ARF1: variants seen among roughly 807,000 people sequenced by gnomAD.
ARF1 encodes ADP-ribosylation factor 1.
ARF1 carries 1 observed loss-of-function variant against 18.0 expected under a neutral mutation model. The observed-to-expected ratio is 0.06, with a 90% CI of 0.02 to 0.26. The LOEUF (loss-of-function observed/expected upper bound fraction) is 0.26. ARF1 is among the 10% of genes least tolerant of loss of function. The probability of loss-of-function intolerance (pLI) is 1.00; values close to 1 mark genes in which losing one functional copy is unlikely to be tolerated. For missense variants in ARF1, 73 were observed against 247.2 expected (o/e 0.30, Z 4.73); for synonymous variants, 112 against 96.3 (o/e 1.16, Z -0.95).
intron 1 of ARF1, among the ~76,000 whole-genome samples, chr1:228,083,962 C>T (rs909877534): frequency 6.6e-6 from 1 of 152,246 alleles, no homozygotes; most frequent in East Asian, 1.9e-4. Flanking sequence ...GTTGGTGCCA[C>T]TGCCCCTGTT....
Position 228,097,839 on chromosome 1 carries a change from T to C in ARF1, c.385-13T>C. On this transcript the variant is annotated splice_polypyrimidine_tract_variant and intron_variant, in intron 4 of 4. Transcript: ENST00000272102. This position sits in a 1 kb window ranked among gnomAD's most constrained non-coding sequence, Gnocchi z 8.1. The stretch of plus-strand genomic sequence containing the variant: ...TGTGGACAGCCCTTCCCACCAACCC[T>C]TCCTTCCCCCAGGACCTCCCCAACG... 6.2e-7 allele frequency: 1 copy of C among 1,611,282 alleles called. No homozygotes were observed. The highest frequency in any genetic ancestry group is 8.5e-7 in the Non-Finnish European group (1 of 1,178,318).
At chr1:228,092,189 A>G (rs1388557380) in intron 1 of ARF1, among the ~76,000 whole-genome samples, 1 of 152,220 alleles carries the variant, frequency 6.6e-6, no homozygotes, top group Non-Finnish European at 1.5e-5. Flanking sequence ...TGGCTCACAC[A>G]CATAGTCCCA....
rs930323058 is a variant in ARF1 at position 228,089,599 on chromosome 1, C to G, written c.-38+6834C>G. ...AGAAATCAAGTTTTAGGCATTGGCT[C>G]AATCACTGGTGCAGCCATTGCATTA... is the stretch of plus-strand genomic sequence containing the variant. On this transcript the variant is annotated intron_variant, in intron 1 of 4. Transcript: ENST00000272102. This position sits in a 1 kb window ranked among gnomAD's most constrained non-coding sequence, Gnocchi z 4.1. Among the ~76,000 whole-genome samples, 2 of 152,222 alleles carry G rather than the reference C, an allele frequency of 1.3e-5. No homozygotes were observed. Among genetic ancestry groups the G allele is most frequent in the Non-Finnish European group, 2.9e-5 (2 of 68,040 alleles).
chr1:228,093,869 T>C (rs191312262), intron 1 of ARF1, among the ~76,000 whole-genome samples: 1 of 147,070 alleles, frequency 6.8e-6, no homozygotes, highest in Non-Finnish European at 1.5e-5. Context: ...GAGGTTGCAG[T>C]GAGCCGAGAT....
At position 228,097,021 on chromosome 1, in the gene ARF1, C is replaced by T. The variant is rs376518139; in HGVS notation, c.-37-57C>T. 1.4e-6 allele frequency: 2 copies of T among 1,471,960 alleles called. No homozygotes were observed. Among genetic ancestry groups the T allele is most frequent in the Non-Finnish European group, 9.1e-7 (1 of 1,097,430 alleles). 91.2% of individuals were successfully genotyped at this position (1,471,960 alleles called of 1,614,324 possible). The stretch of plus-strand genomic sequence containing the variant: ...TGGTGCATCCCTGGGTGGGTGGGTT[C>T]TGAGCAACCACTGCTGGGCAGCACA... On this transcript the variant is annotated intron_variant, in intron 1 of 4. Transcript: ENST00000272102. The surrounding 1 kb of genome is among the most constrained non-coding windows in gnomAD (Gnocchi z 8.1).
chr1:228,090,146 GCA>G (rs1439654652), intron 1 of ARF1, among the ~76,000 whole-genome samples: 1 of 152,230 alleles, frequency 6.6e-6, no homozygotes, highest in Non-Finnish European at 1.5e-5. Flanking sequence ...CTGTGCCATC[GCA>G]CAGTCATTCG....
Position 228,097,493 on chromosome 1 carries a change from TAG to T in ARF1, c.259+46_259+47del. 1.2e-6 allele frequency: 2 copies of T among 1,613,080 alleles called. No homozygotes were observed. Among genetic ancestry groups the T allele is most frequent in the Non-Finnish European group, 1.7e-6 (2 of 1,179,596 alleles). On this transcript the variant is annotated intron_variant, in intron 3 of 4. Transcript: ENST00000272102. The surrounding 1 kb of genome is among the most constrained non-coding windows in gnomAD (Gnocchi z 8.1). ...CTGGTCCCATGGGCACTCCTGCTTCTAGAGAGGGGGGGCCAGCCCATAGATGG... is the reference window on the plus strand; with the variant it reads ...CTGGTCCCATGGGCACTCCTGCTTCTAGAGGGGGGGCCAGCCCATAGATGG...
rs1253336544 is a variant in ARF1 at position 228,089,701 on chromosome 1, C to G, written c.-38+6936C>G. Among the ~76,000 whole-genome samples the G allele has an allele frequency of 6.6e-6, 1 of 152,032 alleles. No homozygotes were observed. Among genetic ancestry groups the G allele is most frequent in the African/African-American group, 2.4e-5 (1 of 41,406 alleles). On this transcript the variant is annotated intron_variant, in intron 1 of 4. Coordinates refer to ENST00000272102, the MANE Select transcript of ARF1 (RefSeq NM_001658.4). The surrounding 1 kb of genome is among the most constrained non-coding windows in gnomAD (Gnocchi z 4.1). Reference sequence around the variant, plus strand: ...TGGTTGGAGGAAGGAGCAACTTGCTCTCCCAGTTTATGACAGCAACACCAG... The same window carrying G: ...TGGTTGGAGGAAGGAGCAACTTGCTGTCCCAGTTTATGACAGCAACACCAG...
chr1:228,097,679 C>G lies in ARF1; in HGVS notation c.348C>G (p.Leu116=). Residue 116 remains leucine, a synonymous_variant, in exon 4 of 5, where the codon CTC becomes CTG. Coordinates refer to ENST00000272102, the MANE Select transcript of ARF1 (RefSeq NM_001658.4). This position sits in a 1 kb window ranked among gnomAD's most constrained non-coding sequence, Gnocchi z 8.1. ...ELMRMLAEDE[L]RDAVLLVFAN... ...TGAGGATGCTGGCCGAGGACGAGCT[C>G]CGGGATGCTGTCCTCCTGGTGTTCG... 6.2e-7 allele frequency: 1 copy of G among 1,613,652 alleles called. No homozygotes were observed. The highest frequency in any genetic ancestry group is 8.5e-7 in the Non-Finnish European group (1 of 1,179,718).
At chr1:228,090,614 G>A (rs1159025770) in intron 1 of ARF1, 1 of 152,210 alleles carries the variant, frequency 6.6e-6, no homozygotes, top group Non-Finnish European at 1.5e-5. Context: ...CCACTGCACT[G>A]GGGGCCAGGT....
In ARF1 at chr1:228,099,141, G is replaced by A. The variant is rs1157613408; in HGVS notation, c.*1128G>A. 1 of 152,658 alleles carries A rather than the reference G, an allele frequency of 6.6e-6. No individual in the cohort carries two copies. Among genetic ancestry groups the A allele is most frequent in the African/African-American group, 2.4e-5 (1 of 41,468 alleles). The allele number at this position is 152,658 out of a possible 1,614,324, so 9.5% of individuals were successfully genotyped here. A position where few individuals can be genotyped will look rare whatever the true frequency, so the allele number is the denominator to read the frequency against. On this transcript the variant is annotated 3_prime_UTR_variant, in exon 5 of 5. Coordinates refer to ENST00000272102, the MANE Select transcript of ARF1 (RefSeq NM_001658.4). ...TAGTAATCAACTGTTTTGTATACTT[G>A]TTTTCAGTTTTCATTTCGACAAACA...
At chr1:228,095,432 C>T (rs2032709864) in intron 1 of ARF1, among the ~76,000 whole-genome samples, 1 of 152,228 alleles carries the variant, frequency 6.6e-6, no homozygotes, top group African/African-American at 2.4e-5. Context: ...CTCCCCTAGA[C>T]CAAGCTTGTC....
chr1:228,095,040 T>C (rs959754261), intron 1 of ARF1, among the ~76,000 whole-genome samples: 2 of 152,244 alleles, frequency 1.3e-5, no homozygotes, highest in Non-Finnish European at 2.9e-5. Flanking sequence ...TTGGTTGATA[T>C]CTTAAGTTAC....
chr1:228,094,528 T>G (rs1420269534), intron 1 of ARF1, among the ~76,000 whole-genome samples: 1 of 152,076 alleles, frequency 6.6e-6, no homozygotes, highest in Non-Finnish European at 1.5e-5. Flanking sequence ...AACCCCATAA[T>G]AAGAATACGT....
rs935555835 is a variant in ARF1, at chr1:228,089,872, T to G, written c.-38+7107T>G. Among the ~76,000 whole-genome samples, 1 of 152,166 alleles carries G rather than the reference T, an allele frequency of 6.6e-6. No individual in the cohort carries two copies. The highest frequency in any genetic ancestry group is 1.5e-5 in the Non-Finnish European group (1 of 68,030). On this transcript the variant is annotated intron_variant, in intron 1 of 4. Coordinates refer to ENST00000272102, the MANE Select transcript of ARF1 (RefSeq NM_001658.4). This position sits in a 1 kb window ranked among gnomAD's most constrained non-coding sequence, Gnocchi z 4.1. ...AGTAGCTCAGTGCCCAGCATGTCTG[T>G]GGTGAGTGTGTAGTTCAGGAAGTGA...
At position 228,098,181 on chromosome 1, in the gene ARF1, T is replaced by A; in HGVS notation, c.*168T>A. The A allele has an allele frequency of 1.3e-6, 1 of 750,692 alleles. No homozygotes were observed. The allele number at this position is 750,692 out of a possible 1,614,324, so 46.5% of individuals were successfully genotyped here. Reference sequence around the variant, plus strand: ...GCAGCCTGCGGCCAGGCTTTTTATTTAATGTAAATAGTTTTTGTTTCCAAT... The same window carrying A: ...GCAGCCTGCGGCCAGGCTTTTTATTAAATGTAAATAGTTTTTGTTTCCAAT... On this transcript the variant is annotated 3_prime_UTR_variant, in exon 5 of 5. Coordinates refer to ENST00000272102, the MANE Select transcript of ARF1 (RefSeq NM_001658.4).
At chr1:228,092,248 A>G (rs1481882858) in intron 1 of ARF1, among the ~76,000 whole-genome samples, 1 of 152,182 alleles carries the variant, frequency 6.6e-6, no homozygotes, top group African/African-American at 2.4e-5. Context: ...CAAGAGTTCA[A>G]GATCAGCCTG....
chr1:228,087,899 C>T (rs776909724), intron 1 of ARF1, among the ~76,000 whole-genome samples: 16 of 152,124 alleles, frequency 1.1e-4, no homozygotes, highest in Admixed American at 2.0e-4. Flanking sequence ...TTTTTCGTGA[C>T]GAACTTAATT....
At chr1:228,086,317 C>T (rs11582265) in intron 1 of ARF1, among the ~76,000 whole-genome samples, 10,045 of 152,006 alleles carry the variant, frequency 0.066, 395 homozygotes, top group East Asian at 0.11. Context: ...AGATTGAGAC[C>T]ATCCTGGCGA....
Sources: allele counts gnomAD v4.1 joint callset (sites outside exome capture counted in the v4.1 genomes callset), GRCh38; gene constraint gnomAD v4.1.1; non-coding constraint Gnocchi (gnomAD v3.1); transcripts MANE v1.5; gene names NCBI Gene and HGNC (gene_info 2026-07-23, HGNC 2026-07-21).